The following PRDM11 variants were observed in gnomAD, a reference collection of about 807,000 sequenced individuals.
The protein encoded by PRDM11 is PR/SET domain 11.
Under a neutral mutation model 97.8 loss-of-function variants are expected in PRDM11, and 20 were observed. The observed-to-expected ratio is 0.20, with a 90% CI of 0.14 to 0.30. PRDM11 has a LOEUF of 0.30. PRDM11 is among the 10% of genes least tolerant of loss of function. PRDM11 has a pLI of 1.00. For synonymous variants in PRDM11, 599 were observed against 637.7 expected, an observed-to-expected ratio of 0.94 and a Z score of 0.91; for missense variants, 1,139 against 1,555.2, an observed-to-expected ratio of 0.73 and a Z score of 4.50.
intron 1 of PRDM11, among the ~76,000 whole-genome samples, chr11:45,108,903 T>C (rs947287628): frequency 6.6e-6 from 1 of 152,270 alleles, no homozygotes; most frequent in African/African-American, 2.4e-5. Flanking sequence ...TTGGGTTTTG[T>C]CTCAAAAAAT....
intron 1 of PRDM11, 66 bp from the exon 2 acceptor site, chr11:45,181,695 C>A (rs987962339): frequency 6.5e-5 from 91 of 1,399,682 alleles, no homozygotes; most frequent in South Asian, 1.1e-4. Flanking sequence ...CCCTCTCCGC[C>A]GCTCACTCCT....
At chr11:45,169,326 C>G (rs1370235966) in intron 1 of PRDM11, among the ~76,000 whole-genome samples, 1 of 152,242 alleles carries the variant, frequency 6.6e-6, no homozygotes, top group African/African-American at 2.4e-5. Flanking sequence ...CTCTCCTCCT[C>G]TAGCCCTCAG....
chr11:45,212,070 C>A (rs1031002819), intron 5 of PRDM11, among the ~76,000 whole-genome samples: 4 of 152,188 alleles, frequency 2.6e-5, no homozygotes, highest in Non-Finnish European at 5.9e-5. Flanking sequence ...TTCTTAACAA[C>A]CCAATTAGGT....
intron 4 of PRDM11, 140 bp from the exon 5 acceptor site, chr11:45,204,571 G>A (rs1173853009): frequency 9.4e-6 from 7 of 743,308 alleles, no homozygotes; most frequent in Admixed American, 4.4e-5. Context: ...CTGCATTTCA[G>A]TTCTGTAGCA....
chr11:45,162,405 T>C (rs1851953272), intron 1 of PRDM11, among the ~76,000 whole-genome samples: 1 of 152,040 alleles, frequency 6.6e-6, no homozygotes, highest in African/African-American at 2.4e-5. Flanking sequence ...AGCTAGTGGA[T>C]GCAGAAGGAA....
At chr11:45,171,401 G>T (rs1852198889) in intron 1 of PRDM11, among the ~76,000 whole-genome samples, 1 of 152,112 alleles carries the variant, frequency 6.6e-6, no homozygotes. Flanking sequence ...TGCCCAGCCG[G>T]TTATGTGGAT....
chr11:45,211,003 C>T (rs950825029), intron 5 of PRDM11, among the ~76,000 whole-genome samples: 1 of 152,120 alleles, frequency 6.6e-6, no homozygotes, highest in African/African-American at 2.4e-5. Flanking sequence ...GCAGGGAGCC[C>T]GAGTGTGCCA....
At chr11:45,225,165 AC>A in intron 7 of PRDM11, 1 of 1,313,232 alleles carries the variant, frequency 7.6e-7, no homozygotes. Flanking sequence ...CAATTTCTAA[AC>A]CCAGTCTTTC....
At chr11:45,095,403 C>T (rs990063182), upstream of PRDM11, among the ~76,000 whole-genome samples, 1 of 152,208 alleles carries the variant, frequency 6.6e-6, no homozygotes, top group Non-Finnish European at 1.5e-5. Context: ...CTGCTATCTG[C>T]TCATCATGTT....
Position 45,181,860 on chromosome 11 carries a change from C to G in PRDM11, c.94C>G (p.Arg32Gly). The G allele has an allele frequency of 1.2e-6, 2 of 1,613,144 alleles. No individual in the cohort carries two copies. Among genetic ancestry groups the G allele is most frequent in the South Asian group, 1.1e-5 (1 of 91,038 alleles). ...VVKTEVCSPL[R>G]DQEYGQPCSR... ...GAAGACGGAGGTCTGCTCACCACTC[C>G]GAGACCAGGAGTATGGCCAGCCCTG... Residue 32 changes from arginine to glycine, a missense_variant, in exon 2 of 8, where the codon CGA (arginine) becomes GGA (glycine). Physicochemically the swap from Arg to Gly is moderately radical, Grantham distance 125. This residue lies in a region of PRDM11 where 429 missense variants were observed against 510.3 expected (regional missense o/e 0.84). Coordinates refer to ENST00000683152, the MANE Select transcript of PRDM11 (RefSeq NM_001384648.1).
chr11:45,123,947 T>G (rs1852504294), intron 1 of PRDM11, among the ~76,000 whole-genome samples: 2 of 145,284 alleles, frequency 1.4e-5, no homozygotes, highest in African/African-American at 5.0e-5. Context: ...GTATGGCCAT[T>G]TTCACGATAT....
chr11:45,146,054 G>C (rs1465245947), upstream of PRDM11, among the ~76,000 whole-genome samples: 1 of 152,128 alleles, frequency 6.6e-6, no homozygotes, highest in Non-Finnish European at 1.5e-5. Flanking sequence ...GAACATGTGC[G>C]ATTCGTGACT....
At chr11:45,147,056 T>C (rs986572142) in intron 1 of PRDM11, among the ~76,000 whole-genome samples, 179 bp downstream of exon 1, 2 of 103,616 alleles carry the variant, frequency 1.9e-5, no homozygotes, top group East Asian at 2.8e-4. Context: ...CGGCGCGGGG[T>C]GGGGGGCGGC....
In PRDM11 at chr11:45,227,035, G is replaced by A. The variant is rs1279008796; in HGVS notation, c.2410G>A (p.Glu804Lys). ...FYRYSPRLMC[E>K]LRSTAATLCE... The stretch of plus-strand genomic sequence containing the variant: ...CCGCTACTCACCGCGCCTCATGTGC[G>A]AGCTGCGGTCCACGGCGGCCACCCT... The change falls in exon 8 of 8, where the codon GAG (glutamate) becomes AAG (lysine). Residue 804 changes from glutamate to lysine, a missense_variant. By Grantham distance (56) the Glu-to-Lys change is moderately conservative. Coordinates refer to ENST00000683152, the MANE Select transcript of PRDM11 (RefSeq NM_001384648.1). The surrounding 1 kb of genome is among the most constrained non-coding windows in gnomAD (Gnocchi z 8.0). 11 of 1,533,952 alleles carry A rather than the reference G, an allele frequency of 7.2e-6. No homozygotes were observed. In the Admixed American group the frequency reaches 1.2e-4, roughly 16 times the overall value.
At chr11:45,160,460 T>C (rs1333081955) in intron 1 of PRDM11, among the ~76,000 whole-genome samples, 2 of 152,246 alleles carry the variant, frequency 1.3e-5, no homozygotes, top group Non-Finnish European at 2.9e-5. Flanking sequence ...TCTTTTTCTA[T>C]ATGTCAACAC....
chr11:45,210,552 CA>C (rs1853692962), intron 5 of PRDM11, among the ~76,000 whole-genome samples: 1 of 152,194 alleles, frequency 6.6e-6, no homozygotes, highest in Non-Finnish European at 1.5e-5. Context: ...GGAGGGGCCC[CA>C]GGGAAGCAGC....
chr11:45,162,125 G>T (rs1326732294), intron 1 of PRDM11, among the ~76,000 whole-genome samples: 1 of 152,236 alleles, frequency 6.6e-6, no homozygotes, highest in Non-Finnish European at 1.5e-5. Context: ...ACCATGGGTT[G>T]CCCTGGGCCC....
chr11:45,126,383 T>C (rs1305034845), intron 1 of PRDM11, among the ~76,000 whole-genome samples: 2 of 152,122 alleles, frequency 1.3e-5, no homozygotes, highest in Admixed American at 6.5e-5. Flanking sequence ...GTCATTATGA[T>C]GTTAGCTGGT....
chr11:45,183,149 GGA>G, intron 4 of PRDM11, 26 bp downstream of exon 4: 2 of 1,591,122 alleles, frequency 1.3e-6, no homozygotes, highest in Non-Finnish European at 1.7e-6. Flanking sequence ...GCTATTCATG[GGA>G]GAGGTTGCCA....
Sources: gnomAD v4.1 joint callset for allele counts (sites outside exome capture counted in the v4.1 genomes callset) on GRCh38, gnomAD v4.1.1 for gene constraint, gnomAD v4.1.1 regional missense constraint, Gnocchi (gnomAD v3.1) non-coding constraint, MANE v1.5 for transcripts, NCBI Gene and HGNC (gene_info 2026-07-23, HGNC 2026-07-21) for gene names.